The following PIK3C2G variants were observed in gnomAD, a reference collection of about 807,000 sequenced individuals.
PIK3C2G encodes the protein phosphatidylinositol-4-phosphate 3-kinase catalytic subunit type 2 gamma, also known as phosphatidylinositol 3-kinase C2 domain-containing subunit gamma.
In PIK3C2G, 168 loss-of-function variants were observed where a neutral mutation model predicts 181.1. The ratio of observed to expected loss-of-function variants is 0.93; its 90% CI spans 0.82 to 1.05. PIK3C2G has a LOEUF of 1.05. Ranked by LOEUF, PIK3C2G falls within the 50% of genes least tolerant of loss-of-function variation. The pLI, the probability that PIK3C2G is intolerant of heterozygous loss-of-function variation, is 0.00. For synonymous variants in PIK3C2G, 573 were observed against 592.2 expected (o/e 0.97, Z 0.47); for missense variants, 1,869 against 1,732.8 (o/e 1.08, Z -1.40).
chr12:18,511,095 T>C (rs1037043125), intron 24 of PIK3C2G, among the ~76,000 whole-genome samples: 1 of 152,132 alleles, frequency 6.6e-6, no homozygotes, highest in African/African-American at 2.4e-5. Context: ...TTTTCTGTGG[T>C]TGGCTTATTT....
Position 18,282,570 on chromosome 12 carries a change from A to T in PIK3C2G, c.489A>T (p.Glu163Asp). The change falls in exon 2 of 33, where the codon GAA (glutamate) becomes GAT (aspartate). Residue 163 changes from glutamate (E) to aspartate (D), a missense_variant. Physicochemically the swap from Glu to Asp is conservative, Grantham distance 45. Transcript: ENST00000538779. ...KINLEKELEN[E>D]NHNYHIGFES... ...ATCTAGAGAAAGAATTAGAAAATGA[A>T]AATCATAACTACCATATAGGATTTG... is the stretch of plus-strand genomic sequence containing the variant. 1 of 1,612,308 alleles carries T rather than the reference A, an allele frequency of 6.2e-7. No homozygotes were observed. The highest frequency in any genetic ancestry group is 2.2e-5 in the East Asian group (1 of 44,866).
intron 18 of PIK3C2G, among the ~76,000 whole-genome samples, chr12:18,431,720 T>G (rs763184437): frequency 6.6e-6 from 1 of 152,204 alleles, no homozygotes; most frequent in Non-Finnish European, 1.5e-5. Flanking sequence ...TTGAGAATCA[T>G]TATTTTGCAA....
At chr12:18,411,502 TCAC>T (rs1944867602) in intron 16 of PIK3C2G, among the ~76,000 whole-genome samples, 1 of 152,088 alleles carries the variant, frequency 6.6e-6, no homozygotes, top group Non-Finnish European at 1.5e-5. Flanking sequence ...AAAATCCTAT[TCAC>T]CACTTTGCTA....
intron 31 of PIK3C2G, among the ~76,000 whole-genome samples, chr12:18,615,936 CT>C (rs1477482274): frequency 6.6e-6 from 1 of 152,062 alleles, no homozygotes; most frequent in Non-Finnish European, 1.5e-5. Flanking sequence ...TAACCTACCT[CT>C]AATATTCACC....
At chr12:18,475,327 T>C (rs1160644233) in intron 18 of PIK3C2G, among the ~76,000 whole-genome samples, 1 of 150,602 alleles carries the variant, frequency 6.6e-6, no homozygotes, top group African/African-American at 2.4e-5. Context: ...AATGCTTAGA[T>C]TACTTAACTA....
intron 29 of PIK3C2G, among the ~76,000 whole-genome samples, chr12:18,579,661 C>T (rs1946397362): frequency 6.6e-6 from 1 of 152,144 alleles, no homozygotes; most frequent in South Asian, 2.1e-4. Context: ...GTTCCATATC[C>T]ACCTGGCTTG....
chr12:18,549,585 A>G (rs1362780573), intron 26 of PIK3C2G, among the ~76,000 whole-genome samples: 1 of 152,060 alleles, frequency 6.6e-6, no homozygotes, highest in Non-Finnish European at 1.5e-5. Flanking sequence ...CACCTCTTCC[A>G]TATGTGGGCT....
intron 18 of PIK3C2G, among the ~76,000 whole-genome samples, chr12:18,432,686 C>G (rs1946226757): frequency 6.6e-6 from 1 of 152,128 alleles, no homozygotes; most frequent in Non-Finnish European, 1.5e-5. Context: ...AATTTGGCAT[C>G]CAAAAGGAAT....
intron 3 of PIK3C2G, among the ~76,000 whole-genome samples, chr12:18,289,882 T>C (rs1949614612): frequency 7.0e-4 from 1 of 1,420 alleles, no homozygotes; most frequent in Non-Finnish European, 1.5e-3. Context: ...TCAGCATAGT[T>C]AACATAAAAA....
At chr12:18,430,118 T>C (rs1946070529) in intron 18 of PIK3C2G, among the ~76,000 whole-genome samples, 1 of 152,242 alleles carries the variant, frequency 6.6e-6, no homozygotes, top group Non-Finnish European at 1.5e-5. Context: ...AAATTCTGCC[T>C]CATGTCCTGT....
At chr12:18,374,892 A>G (rs1942327949) in intron 13 of PIK3C2G, among the ~76,000 whole-genome samples, 1 of 152,122 alleles carries the variant, frequency 6.6e-6, no homozygotes, top group Non-Finnish European at 1.5e-5. Flanking sequence ...GCCTTCTGCC[A>G]TGATTGTAAG....
chr12:18,534,399 C>G (rs765014840), intron 24 of PIK3C2G, among the ~76,000 whole-genome samples: 1 of 151,952 alleles, frequency 6.6e-6, no homozygotes, highest in Non-Finnish European at 1.5e-5. Flanking sequence ...AATAATCACT[C>G]TCTGCATTTA....
intron 2 of PIK3C2G, among the ~76,000 whole-genome samples, chr12:18,285,661 G>A (rs1463886277): frequency 6.6e-6 from 1 of 151,754 alleles, no homozygotes; most frequent in South Asian, 2.1e-4. Context: ...TATATTAAGG[G>A]TGTATATTGC....
At position 18,463,086 on chromosome 12, in the gene PIK3C2G, A is replaced by G. The variant is rs369262484; in HGVS notation, c.2505-25363A>G. Among the ~76,000 whole-genome samples, 174 of 152,290 alleles carry G rather than the reference A, an allele frequency of 1.1e-3. 1 individual carries two copies. Among genetic ancestry groups the G allele is most frequent in the African/African-American group, 4.0e-3 (168 of 41,582 alleles). On this transcript the variant is annotated intron_variant, in intron 18 of 32. Transcript: ENST00000538779. ...AATTAATAAGGATATATTTGATTTT[A>G]TCTCCATTGTTAATAGTCACTATCA...
chr12:18,339,531 T>C (rs1938917681), intron 9 of PIK3C2G, among the ~76,000 whole-genome samples: 1 of 152,128 alleles, frequency 6.6e-6, no homozygotes, highest in South Asian at 2.1e-4. Flanking sequence ...AGTGAATACA[T>C]ACATTCTCTA....
chr12:18,660,579 G>A, the PIK3C2G span, among the ~76,000 whole-genome samples: 1 of 152,128 alleles, frequency 6.6e-6, no homozygotes, highest in Non-Finnish European at 1.5e-5. Context: ...CCGGAGAAAG[G>A]TATAGACTCA....
At chr12:18,694,653 T>G in the PIK3C2G span, among the ~76,000 whole-genome samples, 1 of 152,124 alleles carries the variant, frequency 6.6e-6, no homozygotes, top group African/African-American at 2.4e-5. Flanking sequence ...TGAAATCATA[T>G]AGTAGAACTT....
the PIK3C2G span, among the ~76,000 whole-genome samples, chr12:18,669,104 T>C: frequency 3.3e-5 from 5 of 152,316 alleles, no homozygotes; most frequent in South Asian, 8.3e-4. Flanking sequence ...CCAAATTCTT[T>C]ATAAACAACA....
chr12:18,460,829 G>A (rs1027225329), intron 18 of PIK3C2G, among the ~76,000 whole-genome samples: 3 of 152,034 alleles, frequency 2.0e-5, no homozygotes, highest in South Asian at 2.1e-4. Flanking sequence ...CCTGGACACC[G>A]TATTAGGGTA....
Sources: allele counts gnomAD v4.1 joint callset (sites outside exome capture counted in the v4.1 genomes callset), GRCh38; gene constraint gnomAD v4.1.1; transcripts MANE v1.5; gene names NCBI Gene and HGNC (gene_info 2026-07-23, HGNC 2026-07-21).